ZFHX3: variants seen among roughly 807,000 people sequenced by gnomAD.
ZFHX3 encodes zinc finger homeobox 3.
In ZFHX3, 42 loss-of-function variants were observed where a neutral mutation model predicts 279.1. That is an observed-to-expected ratio of 0.15 (90% CI 0.12 to 0.19). The LOEUF is 0.19. Ranked by LOEUF, ZFHX3 falls within the 10% of genes least tolerant of loss-of-function variation. The pLI is 1.00. For missense variants in ZFHX3, 4,981 were observed against 4,754.0 expected (o/e 1.05, Z -1.40); for synonymous variants, 2,293 against 1,957.8 (o/e 1.17, Z -4.52).
chr16:73,555,784 A>G (rs2020272210), intron 2 of ZFHX3, among the ~76,000 whole-genome samples: 1 of 151,822 alleles, frequency 6.6e-6, no homozygotes, highest in African/African-American at 2.4e-5. Flanking sequence ...GTGATCTGAA[A>G]TAGCGCCACT....
intron 2 of ZFHX3, among the ~76,000 whole-genome samples, chr16:73,473,365 AAAAAAAAC>A (rs1567494437): frequency 1.5e-5 from 2 of 130,148 alleles, no homozygotes; most frequent in African/African-American, 6.2e-5. Context: ...AAACAAAAAA[AAAAAAAAC>A]AAAATAATAA....
At chr16:72,832,709 C>A (rs2037091943) in intron 4 of ZFHX3, among the ~76,000 whole-genome samples, 1 of 152,026 alleles carries the variant, frequency 6.6e-6, no homozygotes, top group South Asian at 2.1e-4. Context: ...CAGCTCATCC[C>A]TGCAGTTCCA....
intron 1 of ZFHX3, among the ~76,000 whole-genome samples, chr16:73,751,634 A>G (rs1325989745): frequency 6.6e-6 from 1 of 152,218 alleles, no homozygotes; most frequent in Non-Finnish European, 1.5e-5. Context: ...AAATGATTTT[A>G]TTAATACAAA....
rs999300154 is a variant in ZFHX3, at chr16:73,571,917, A to G, written c.-1547+108263T>C. Among the ~76,000 whole-genome samples the G allele has an allele frequency of 2.0e-5, 3 of 152,146 alleles. No homozygotes were observed. The South Asian group carries it at 6.2e-4, about 32-fold the overall frequency. On this transcript the variant is annotated intron_variant, in intron 2 of 17. Coordinates refer to the ZFHX3 transcript ENST00000641206. Reference sequence around the variant, plus strand: ...ATATTAATATGATAAAATATATAAGATCACCCATATAGTAAAAATTAAATC... The same window carrying G: ...ATATTAATATGATAAAATATATAAGGTCACCCATATAGTAAAAATTAAATC...
chr16:73,395,491 T>C (rs2017109160), intron 3 of ZFHX3, among the ~76,000 whole-genome samples: 1 of 151,676 alleles, frequency 6.6e-6, no homozygotes. Flanking sequence ...ACCAATCATC[T>C]GGCCCCCATG....
chr16:73,050,027 G>A (rs542470533), upstream of ZFHX3, among the ~76,000 whole-genome samples: 1 of 152,080 alleles, frequency 6.6e-6, no homozygotes, highest in Non-Finnish European at 1.5e-5. Context: ...TCCTTACCTG[G>A]GATAGGTAAG....
intron 4 of ZFHX3, among the ~76,000 whole-genome samples, chr16:72,879,557 C>G (rs957931558): frequency 6.6e-6 from 1 of 152,168 alleles, no homozygotes; most frequent in Non-Finnish European, 1.5e-5. Context: ...TCCCGAGAAG[C>G]TGGGATCACA....
At chr16:73,856,264 T>TA (rs1338981806) in intron 1 of ZFHX3, among the ~76,000 whole-genome samples, 1 of 152,114 alleles carries the variant, frequency 6.6e-6, no homozygotes, top group East Asian at 1.9e-4. Context: ...TCCATAGTTT[T>TA]AAAAAAACGT....
At chr16:73,410,979 C>A (rs977962673) in intron 3 of ZFHX3, among the ~76,000 whole-genome samples, 1 of 152,194 alleles carries the variant, frequency 6.6e-6, no homozygotes, top group African/African-American at 2.4e-5. Context: ...ATCCAGTTGT[C>A]ATCCCACCGA....
chr16:73,486,724 T>A lies in ZFHX3; in HGVS notation c.-1546-30466A>T, dbSNP rs997859718. On this transcript the variant is annotated intron_variant, in intron 2 of 17. Transcript: ENST00000641206. Reference sequence around the variant, plus strand: ...TCCTGGTTTCCTGCTAAATCTAGGGTCTCTCTTGCTCATTTTTTTTTCTCT... The same window carrying A: ...TCCTGGTTTCCTGCTAAATCTAGGGACTCTCTTGCTCATTTTTTTTTCTCT... 25 of 448,792 alleles carry A rather than the reference T, an allele frequency of 5.6e-5. No individual in the cohort carries two copies. In the East Asian group the frequency reaches 1.7e-3, roughly 31 times the overall value. The allele number at this position is 448,792 out of a possible 1,614,324, so 27.8% of individuals were successfully genotyped here. A position where few individuals can be genotyped will look rare whatever the true frequency, so the allele number is the denominator to read the frequency against.
At chr16:73,821,239 C>T (rs1389294658) in intron 1 of ZFHX3, among the ~76,000 whole-genome samples, 1 of 152,182 alleles carries the variant, frequency 6.6e-6, no homozygotes, top group Admixed American at 6.5e-5. Context: ...CCTCTGATTT[C>T]CAGAGTCATA....
At chr16:73,601,561 G>A (rs1469003090) in intron 2 of ZFHX3, among the ~76,000 whole-genome samples, 2 of 152,016 alleles carry the variant, frequency 1.3e-5, no homozygotes, top group Non-Finnish European at 2.9e-5. Context: ...ACTCATTGAG[G>A]GCAGAAAATA....
At chr16:72,864,273 A>C (rs910719304) in intron 4 of ZFHX3, among the ~76,000 whole-genome samples, 2 of 152,126 alleles carry the variant, frequency 1.3e-5, no homozygotes, top group Non-Finnish European at 2.9e-5. Flanking sequence ...TGTAAGCTGC[A>C]CAAGAGCTGG....
chr16:73,536,353 G>A (rs1225242834), intron 2 of ZFHX3, among the ~76,000 whole-genome samples: 2 of 152,102 alleles, frequency 1.3e-5, no homozygotes, highest in Non-Finnish European at 2.9e-5. Flanking sequence ...CAGGTTCTTG[G>A]TAGTGAAAAT....
At chr16:72,875,281 G>A (rs550329410) in intron 4 of ZFHX3, among the ~76,000 whole-genome samples, 4 of 152,342 alleles carry the variant, frequency 2.6e-5, no homozygotes, top group Non-Finnish European at 5.9e-5. Context: ...GCAGATACCT[G>A]CAGACTGGGG....
At chr16:72,856,843 A>C (rs1416092682) in intron 4 of ZFHX3, among the ~76,000 whole-genome samples, 3 of 152,162 alleles carry the variant, frequency 2.0e-5, no homozygotes, top group Non-Finnish European at 1.5e-5. Flanking sequence ...GATTGTGTCA[A>C]GTGAGTGGGG....
chr16:73,281,749 G>T (rs1341314027), intron 4 of ZFHX3, among the ~76,000 whole-genome samples: 6 of 152,072 alleles, frequency 3.9e-5, no homozygotes, highest in Non-Finnish European at 7.3e-5. Context: ...CTGATCAAAA[G>T]GTATATATTA....
intron 1 of ZFHX3, among the ~76,000 whole-genome samples, chr16:73,854,419 C>T (rs1231495047): frequency 1.3e-5 from 2 of 151,912 alleles, no homozygotes; most frequent in Non-Finnish European, 2.9e-5. Context: ...CCCAGCTACT[C>T]GGGAGGCTGA....
At chr16:73,545,242 A>C (rs2020089889) in intron 2 of ZFHX3, among the ~76,000 whole-genome samples, 1 of 152,206 alleles carries the variant, frequency 6.6e-6, no homozygotes. Context: ...TGTTGGCAGG[A>C]CATTTCAAAT....
Sources: gnomAD v4.1 joint callset for allele counts (sites outside exome capture counted in the v4.1 genomes callset) on GRCh38, gnomAD v4.1.1 for gene constraint, MANE v1.5 for transcripts, NCBI Gene and HGNC (gene_info 2026-07-23, HGNC 2026-07-21) for gene names.